The following SLC14A2 variants were observed in gnomAD, a reference collection of about 807,000 sequenced individuals.
The protein encoded by SLC14A2 is urea transporter 2.
Under a neutral mutation model 104.6 loss-of-function variants are expected in SLC14A2, and 91 were observed. That is an observed-to-expected ratio of 0.87 (90% CI 0.73 to 1.04). The LOEUF (loss-of-function observed/expected upper bound fraction) is 1.04, where lower values mean the gene tolerates loss of function less well. Among genes scored for constraint, SLC14A2 ranks in the 50% least tolerant of loss-of-function variants. SLC14A2 has a pLI of 0.00. For synonymous variants in SLC14A2, 476 were observed against 466.4 expected, an observed-to-expected ratio of 1.02 and a Z score of -0.27; for missense variants, 1,189 against 1,156.0, an observed-to-expected ratio of 1.03 and a Z score of -0.41.
At chr18:45,625,016 C>T (rs1484504735) in intron 2 of SLC14A2, among the ~76,000 whole-genome samples, 2 of 152,200 alleles carry the variant, frequency 1.3e-5, no homozygotes, top group Non-Finnish European at 2.9e-5. Context: ...AGGACAAGTA[C>T]AGAATACAGA....
upstream of SLC14A2, among the ~76,000 whole-genome samples, chr18:45,612,405 C>T (rs949760696): frequency 6.6e-6 from 1 of 152,196 alleles, no homozygotes; most frequent in Non-Finnish European, 1.5e-5. Flanking sequence ...TGCCTGAATT[C>T]ACTTTTGATT....
intron 18 of SLC14A2, 46 bp downstream of exon 18, chr18:45,673,863 T>A: frequency 6.3e-7 from 1 of 1,590,498 alleles, no homozygotes; most frequent in Non-Finnish European, 8.6e-7. Context: ...AAAAGGCTTT[T>A]TACATAAAAC....
the SLC14A2 span, among the ~76,000 whole-genome samples, chr18:45,207,394 G>A: frequency 6.9e-6 from 1 of 144,560 alleles, no homozygotes; most frequent in Non-Finnish European, 1.5e-5. Context: ...GAAAGGGAGG[G>A]GGGAGGAAAA....
chr18:45,252,521 T>C (rs944703392), intron 1 of SLC14A2, among the ~76,000 whole-genome samples: 9 of 152,188 alleles, frequency 5.9e-5, no homozygotes, highest in African/African-American at 2.2e-4. Context: ...AATGGAGTCA[T>C]TTGTCCTAAC....
rs1056503446 is a variant in SLC14A2 at position 45,295,047 on chromosome 18, G to A, written c.-125+81856G>A. ...TACATCGATTACCTCCAGTGGACAC[G>A]TAATGTGCTGCGAGCCACACTTCAA... On this transcript the variant is annotated intron_variant, in intron 1 of 20. Transcript: ENST00000586448. Among the ~76,000 whole-genome samples, 72 of 152,228 alleles carry A rather than the reference G, an allele frequency of 4.7e-4. 1 individual carries two copies. Among genetic ancestry groups the A allele is most frequent in the Admixed American group, 2.7e-3 (41 of 15,296 alleles).
At chr18:45,283,237 C>A (rs981658356) in intron 1 of SLC14A2, among the ~76,000 whole-genome samples, 53 of 149,600 alleles carry the variant, frequency 3.5e-4, no homozygotes, top group African/African-American at 1.2e-3. Context: ...CGTCGAGTCT[C>A]CTAATTGATA....
rs1246137810 is a variant in SLC14A2 at position 45,663,804 on chromosome 18, A to T, written c.1371A>T (p.Pro457=). The part of the protein sequence containing the change: ...KAPSGGGGEH[P]PTAGPKVEEG... ...GGCTAGGAGGCGGTGGGGAGCATCC[A>T]CCCACAGCAGGCCCAAAGGTGGAGG... The change falls in exon 11 of 20, where the codon CCA becomes CCT. Residue 457 remains proline, a synonymous_variant. Coordinates refer to ENST00000255226, the MANE Select transcript of SLC14A2 (RefSeq NM_007163.4). 1 of 1,612,550 alleles carries T rather than the reference A, an allele frequency of 6.2e-7. No homozygotes were observed. Among genetic ancestry groups the T allele is most frequent in the Non-Finnish European group, 8.5e-7 (1 of 1,179,812 alleles).
At chr18:45,662,237 G>T (rs2045947630) in intron 10 of SLC14A2, among the ~76,000 whole-genome samples, 1 of 152,202 alleles carries the variant, frequency 6.6e-6, no homozygotes, top group Admixed American at 6.5e-5. Flanking sequence ...GGGAGGTGGA[G>T]GTTGTAATGA....
intron 1 of SLC14A2, among the ~76,000 whole-genome samples, chr18:45,215,840 G>A (rs902438865): frequency 6.7e-6 from 1 of 148,804 alleles, no homozygotes; most frequent in Non-Finnish European, 1.5e-5. Flanking sequence ...TTCTATAATG[G>A]TATTTTTTTT....
At chr18:45,334,434 C>T (rs187238889) in intron 1 of SLC14A2, among the ~76,000 whole-genome samples, 1 of 152,144 alleles carries the variant, frequency 6.6e-6, no homozygotes, top group Non-Finnish European at 1.5e-5. Context: ...CTGGAAACTT[C>T]CTGTACTACA....
chr18:45,316,554 G>T (rs982772812), intron 1 of SLC14A2, among the ~76,000 whole-genome samples: 1 of 152,164 alleles, frequency 6.6e-6, no homozygotes, highest in Non-Finnish European at 1.5e-5. Context: ...GGCATCTGAG[G>T]ACCCGATATA....
intron 1 of SLC14A2, among the ~76,000 whole-genome samples, chr18:45,321,403 C>T (rs78332819): frequency 0.026 from 3,986 of 152,208 alleles, 128 homozygotes; most frequent in African/African-American, 0.075. Context: ...ATACTTGTGA[C>T]GTCTTGATTT....
At chr18:45,452,524 A>T (rs368138199) in intron 1 of SLC14A2, among the ~76,000 whole-genome samples, 1 of 152,366 alleles carries the variant, frequency 6.6e-6, no homozygotes, top group African/African-American at 2.4e-5. Context: ...AATGCAACAA[A>T]GAAGGACTCT....
At chr18:45,492,263 G>A (rs2043016259) in intron 2 of SLC14A2, 1 of 152,236 alleles carries the variant, frequency 6.6e-6, no homozygotes, top group South Asian at 2.1e-4. Context: ...TGCCAAGGGA[G>A]GCTAGGAAAT....
At chr18:45,227,169 G>A (rs2084127446) in intron 1 of SLC14A2, among the ~76,000 whole-genome samples, 1 of 152,142 alleles carries the variant, frequency 6.6e-6, no homozygotes, top group Non-Finnish European at 1.5e-5. Flanking sequence ...AGTCACACTA[G>A]CCTCCCCAGC....
intron 1 of SLC14A2, among the ~76,000 whole-genome samples, chr18:45,249,418 G>GTT (rs548752666): frequency 1.4e-5 from 2 of 146,424 alleles, no homozygotes; most frequent in African/African-American, 5.0e-5. Context: ...TCTAAGCATT[G>GTT]TTTTTTTTTT....
At chr18:45,307,536 C>T (rs550488982) in intron 1 of SLC14A2, among the ~76,000 whole-genome samples, 149 of 151,886 alleles carry the variant, frequency 9.8e-4, no homozygotes, top group African/African-American at 3.6e-3. Context: ...GAGTGGAGAA[C>T]ATATATCTCC....
At chr18:45,449,220 C>T (rs1013869094) in intron 1 of SLC14A2, among the ~76,000 whole-genome samples, 3 of 152,204 alleles carry the variant, frequency 2.0e-5, no homozygotes, top group Admixed American at 2.0e-4. Context: ...CCATCCTGTG[C>T]TCTTCAGACA....
At chr18:45,483,267 G>A (rs1413105304) in exon 2 of SLC14A2, 1 of 152,146 alleles carries the variant, frequency 6.6e-6, no homozygotes, top group Non-Finnish European at 1.5e-5. Context: ...GGTCAACTAA[G>A]TAGAGATTCA....
Sources: gnomAD v4.1 joint callset for allele counts (sites outside exome capture counted in the v4.1 genomes callset) on GRCh38, gnomAD v4.1.1 for gene constraint, MANE v1.5 for transcripts, NCBI Gene and HGNC (gene_info 2026-07-23, HGNC 2026-07-21) for gene names.